The following DPF3 variants were observed in gnomAD, a reference collection of about 807,000 sequenced individuals.
DPF3 encodes the protein zinc finger protein DPF3.
DPF3 carries 18 observed loss-of-function variants against 56.8 expected under a neutral mutation model. That is an observed-to-expected ratio of 0.32 (90% confidence interval 0.22 to 0.47). The LOEUF (loss-of-function observed/expected upper bound fraction) is 0.47. Among genes scored for constraint, DPF3 ranks in the 20% least tolerant of loss-of-function variants. The probability of loss-of-function intolerance (pLI) is 1.00; values close to 1 mark genes in which losing one functional copy is unlikely to be tolerated. For missense variants in DPF3, 403 were observed against 488.8 expected (o/e 0.82, Z 1.65); for synonymous variants, 188 against 180.2 (o/e 1.04, Z -0.35).
At chr14:72,825,453 T>C (rs1054155837) in intron 1 of DPF3, among the ~76,000 whole-genome samples, 1 of 152,240 alleles carries the variant, frequency 6.6e-6, no homozygotes, top group Non-Finnish European at 1.5e-5. Flanking sequence ...GCTCACACTC[T>C]CTCACAGAGC....
chr14:72,804,264 C>T (rs1355537309), intron 1 of DPF3, among the ~76,000 whole-genome samples: 1 of 151,672 alleles, frequency 6.6e-6, no homozygotes, highest in African/African-American at 2.4e-5. Context: ...ACACTGCGTG[C>T]CTCCTGCCAG....
chr14:72,672,970 C>T (rs577908399), intron 8 of DPF3, among the ~76,000 whole-genome samples: 3 of 152,208 alleles, frequency 2.0e-5, no homozygotes, highest in Non-Finnish European at 4.4e-5. Context: ...CTGTCTTCTA[C>T]GCTAGCATCC....
At chr14:72,714,989 G>A (rs1357832988) in intron 5 of DPF3, among the ~76,000 whole-genome samples, 2 of 152,220 alleles carry the variant, frequency 1.3e-5, no homozygotes, top group African/African-American at 4.8e-5. Context: ...AGGCCTGACG[G>A]GGGCAAGGCT....
Position 72,879,993 on chromosome 14 carries a change from G to A in DPF3, c.32+14064C>T, listed in dbSNP as rs917868117. On this transcript the variant is annotated intron_variant, in intron 1 of 10. Transcript: ENST00000556509. Reference sequence around the variant, plus strand: ...TGAAAAAGAAACACCCATCAAGACTGAGTAGCCTGCACACTAGACTGTGGT... The same window carrying A: ...TGAAAAAGAAACACCCATCAAGACTAAGTAGCCTGCACACTAGACTGTGGT... 11 of 1,447,342 alleles carry A rather than the reference G, an allele frequency of 7.6e-6. No individual in the cohort carries two copies. The Admixed American group carries it at 7.6e-5, about 10-fold the overall frequency. 89.7% of individuals were successfully genotyped at this position (1,447,342 alleles called of 1,614,324 possible).
intron 7 of DPF3, among the ~76,000 whole-genome samples, chr14:72,687,287 G>A (rs1887454823): frequency 6.6e-6 from 1 of 152,126 alleles, no homozygotes; most frequent in South Asian, 2.1e-4. Context: ...TGAAAAATCA[G>A]CTGGAAATAC....
rs893043773 is a variant in DPF3 at position 72,775,952 on chromosome 14, G to A, written c.33-4059C>T. 1.1e-4 allele frequency among the ~76,000 whole-genome samples: 16 copies of A among 150,270 alleles called. No homozygotes were observed. The East Asian group carries it at 3.1e-3, about 29-fold the overall frequency. On this transcript the variant is annotated intron_variant, in intron 1 of 10. Transcript: ENST00000556509. ...CGTAGAAAGCAATTTAAACAGCAGAGGACAAATGTCCTTTCCAACATGGTA... is the reference window on the plus strand; with the variant it reads ...CGTAGAAAGCAATTTAAACAGCAGAAGACAAATGTCCTTTCCAACATGGTA...
chr14:72,812,574 C>A (rs1185532448), intron 1 of DPF3, among the ~76,000 whole-genome samples: 2 of 152,116 alleles, frequency 1.3e-5, no homozygotes, highest in Non-Finnish European at 2.9e-5. Context: ...CTGAGCTGCA[C>A]CTCAGGATTC....
At chr14:72,879,188 A>T (rs1310855055) in intron 1 of DPF3, among the ~76,000 whole-genome samples, 1 of 152,190 alleles carries the variant, frequency 6.6e-6, no homozygotes, top group East Asian at 1.9e-4. Flanking sequence ...GTTTGAGACC[A>T]GCCTGGCCAA....
chr14:72,870,702 G>A (rs1885864658), intron 1 of DPF3, among the ~76,000 whole-genome samples: 1 of 152,168 alleles, frequency 6.6e-6, no homozygotes, highest in Non-Finnish European at 1.5e-5. Context: ...TTTTAAAGAT[G>A]CCAGTGTAAG....
intron 3 of DPF3, among the ~76,000 whole-genome samples, chr14:72,735,859 C>T (rs773803957): frequency 4.6e-5 from 7 of 152,076 alleles, no homozygotes; most frequent in Non-Finnish European, 8.8e-5. Context: ...CATAAAGAAA[C>T]GCTAAAAGAA....
intron 1 of DPF3, among the ~76,000 whole-genome samples, chr14:72,780,905 A>G (rs1891942606): frequency 6.6e-6 from 1 of 152,224 alleles, no homozygotes; most frequent in Admixed American, 6.5e-5. Context: ...CACATGCTCC[A>G]AAAGAATGCT....
chr14:72,881,294 C>CTGT (rs10545910), intron 1 of DPF3, among the ~76,000 whole-genome samples: 5,949 of 151,118 alleles, frequency 0.039, 112 homozygotes, highest in Middle Eastern at 0.065. Context: ...AAATTCAGAG[C>CTGT]TGTTGTTGTT....
chr14:72,726,598 C>T (rs745862277), intron 4 of DPF3, among the ~76,000 whole-genome samples: 1 of 152,138 alleles, frequency 6.6e-6, no homozygotes, highest in African/African-American at 2.4e-5. Flanking sequence ...CGACATAATT[C>T]AGGAGGAGCC....
intron 6 of DPF3, among the ~76,000 whole-genome samples, chr14:72,707,900 G>A (rs971722384): frequency 8.6e-5 from 13 of 151,418 alleles, no homozygotes; most frequent in Non-Finnish European, 1.6e-4. Context: ...TCTGCTTTGC[G>A]TATCTGTAAT....
chr14:72,682,217 G>GAA (rs60779626), intron 7 of DPF3, among the ~76,000 whole-genome samples: 21 of 55,386 alleles, frequency 3.8e-4, no homozygotes, highest in African/African-American at 6.1e-4. Flanking sequence ...TCTGTCTCAA[G>GAA]AAAAAAAAAA....
chr14:72,780,747 G>T (rs1196341020), intron 1 of DPF3, among the ~76,000 whole-genome samples: 1 of 152,016 alleles, frequency 6.6e-6, no homozygotes, highest in Non-Finnish European at 1.5e-5. Context: ...CCTGCAAGGT[G>T]CCACAGAACT....
At chr14:72,814,667 T>TG in intron 1 of DPF3, among the ~76,000 whole-genome samples, 1 of 152,008 alleles carries the variant, frequency 6.6e-6, no homozygotes, top group African/African-American at 2.4e-5. Context: ...ATATAAAAAT[T>TG]AGCTGGTCAT....
At chr14:72,774,262 TAAA>T (rs777564213) in intron 1 of DPF3, among the ~76,000 whole-genome samples, 4 of 61,006 alleles carry the variant, frequency 6.6e-5, no homozygotes, top group Admixed American at 4.7e-4. Flanking sequence ...AGACTCTGTC[TAAA>T]AAAAAAAAAA....
At chr14:72,774,084 A>C (rs1243152542) in intron 1 of DPF3, 1 of 414,182 alleles carries the variant, frequency 2.4e-6, no homozygotes, top group Non-Finnish European at 4.8e-6. Context: ...CAGGAGTTCG[A>C]GACCAGCCTG....
Sources: allele counts gnomAD v4.1 joint callset (sites outside exome capture counted in the v4.1 genomes callset), GRCh38; gene constraint gnomAD v4.1.1; transcripts MANE v1.5; gene names NCBI Gene and HGNC (gene_info 2026-07-23, HGNC 2026-07-21).